FXR2: variants seen among roughly 807,000 people sequenced by gnomAD.
The protein encoded by FXR2 is FMR1 autosomal homolog 2.
In FXR2, 9 loss-of-function variants were observed where a neutral mutation model predicts 87.3. The observed-to-expected ratio is 0.10, with a 90% confidence interval of 0.06 to 0.18. The LOEUF (loss-of-function observed/expected upper bound fraction) is 0.18, where lower values mean the gene tolerates loss of function less well. Ranked by LOEUF, FXR2 falls within the 10% of genes least tolerant of loss-of-function variation. The pLI, the probability that FXR2 is intolerant of heterozygous loss-of-function variation, is 1.00. For missense variants in FXR2, 661 were observed against 893.6 expected (o/e 0.74, Z 3.32); for synonymous variants, 331 against 328.3 (o/e 1.01, Z -0.09).
In FXR2 at chr17:7,591,347, T is replaced by C. The variant is rs1011163188; in HGVS notation, c.*483A>G. The C allele has an allele frequency of 2.7e-4, 46 of 170,860 alleles. No homozygotes were observed. The highest frequency in any genetic ancestry group is 2.5e-3 in the Admixed American group (46 of 18,192). 10.6% of individuals were successfully genotyped at this position (170,860 alleles called of 1,614,324 possible). A position where few individuals can be genotyped will look rare whatever the true frequency, so the allele number is the denominator to read the frequency against. On this transcript the variant is annotated 3_prime_UTR_variant, in exon 17 of 17. Coordinates refer to ENST00000250113, the MANE Select transcript of FXR2 (RefSeq NM_004860.4). This position sits in a 1 kb window ranked among gnomAD's most constrained non-coding sequence, Gnocchi z 4.0. The stretch of plus-strand genomic sequence containing the variant: ...AGGGGGACCTTGTCACCCCCCTTCA[T>C]ACACACCCCTGGTTCTACTCCAAAA...
chr17:7,601,128 G>A (rs536977256), intron 7 of FXR2, among the ~76,000 whole-genome samples: 2 of 151,122 alleles, frequency 1.3e-5, no homozygotes, highest in East Asian at 1.9e-4. Flanking sequence ...GCAGTGAGCC[G>A]AGATCGTGTC....
In FXR2 at chr17:7,594,829, T is replaced by C. The variant is rs956875131; in HGVS notation, c.832-72A>G. On this transcript the variant is annotated intron_variant, in intron 8 of 16. Coordinates refer to ENST00000250113, the MANE Select transcript of FXR2 (RefSeq NM_004860.4). This position sits in a 1 kb window ranked among gnomAD's most constrained non-coding sequence, Gnocchi z 5.1. ...TGGATGTGGTGGCTCACGCCTGTAA[T>C]CCCAGCACTTTGGGAGGCTGGAGGC... is the stretch of plus-strand genomic sequence containing the variant. The C allele has an allele frequency of 1.7e-5, 16 of 918,870 alleles. No individual in the cohort carries two copies. In the African/African-American group the frequency reaches 2.6e-4, roughly 15 times the overall value. The allele number at this position is 918,870 out of a possible 1,614,324, so 56.9% of individuals were successfully genotyped here. A position where few individuals can be genotyped will look rare whatever the true frequency, so the allele number is the denominator to read the frequency against.
At chr17:7,596,171 TC>T (rs2071706100) in intron 7 of FXR2, 177 bp from the exon 8 acceptor site, 2 of 568,380 alleles carry the variant, frequency 3.5e-6, no homozygotes, top group Non-Finnish European at 6.2e-6. Flanking sequence ...TTTTGTTTTT[TC>T]TTTGAGATGG....
intron 7 of FXR2, among the ~76,000 whole-genome samples, chr17:7,598,388 G>A (rs1009701331): frequency 1.3e-5 from 2 of 152,198 alleles, no homozygotes; most frequent in African/African-American, 4.8e-5. Flanking sequence ...TTGGGAGGTG[G>A]AGCTTGCAGT....
rs2071696312 is a variant in FXR2, at chr17:7,595,001, A to T, written c.832-244T>A. Among the ~76,000 whole-genome samples the T allele has an allele frequency of 6.6e-6, 1 of 151,942 alleles. No individual in the cohort carries two copies. Among genetic ancestry groups the T allele is most frequent in the Admixed American group, 6.6e-5 (1 of 15,236 alleles). The stretch of plus-strand genomic sequence containing the variant: ...GTGGCTCACGTCTCTAATCCCAGCT[A>T]CTCCGGAGGCTGAGGCAGGAGATTT... On this transcript the variant is annotated intron_variant, in intron 8 of 16. Coordinates refer to ENST00000250113, the MANE Select transcript of FXR2 (RefSeq NM_004860.4). The surrounding 1 kb of genome is among the most constrained non-coding windows in gnomAD (Gnocchi z 4.7).
intron 7 of FXR2, among the ~76,000 whole-genome samples, 174 bp downstream of exon 7, chr17:7,601,235 C>T (rs1471860019): frequency 6.6e-6 from 1 of 151,194 alleles, no homozygotes; most frequent in African/African-American, 2.4e-5. Context: ...TGCACTATAC[C>T]ATGATAGAGC....
intron 3 of FXR2, among the ~76,000 whole-genome samples, chr17:7,605,032 T>C (rs1223120830): frequency 6.6e-6 from 1 of 151,802 alleles, no homozygotes; most frequent in East Asian, 2.0e-4. Flanking sequence ...CTGGGATGTA[T>C]CTTAAACCAA....
chr17:7,611,356 T>G lies in FXR2; in HGVS notation c.81+3096A>C, dbSNP rs143972836. On this transcript the variant is annotated intron_variant, in intron 1 of 16. Coordinates refer to ENST00000250113, the MANE Select transcript of FXR2 (RefSeq NM_004860.4). The stretch of plus-strand genomic sequence containing the variant: ...GCTACAAAATAACTTAGATCCCAGA[T>G]CTAATATTTTATCCTTTAAGAAAAC... Among the ~76,000 whole-genome samples, 27 of 152,074 alleles carry G rather than the reference T, an allele frequency of 1.8e-4. No individual in the cohort carries two copies. In the East Asian group the frequency reaches 4.6e-3, roughly 26 times the overall value.
chr17:7,609,994 G>A (rs1567753989), intron 1 of FXR2, among the ~76,000 whole-genome samples: 1 of 136,372 alleles, frequency 7.3e-6, no homozygotes. Flanking sequence ...ATATATACAT[G>A]TATATGTATA....
At chr17:7,601,624 A>G in intron 6 of FXR2, 99 bp from the exon 7 acceptor site, 1 of 761,992 alleles carries the variant, frequency 1.3e-6, no homozygotes, top group Non-Finnish European at 2.3e-6. Flanking sequence ...TCCCGGGAAA[A>G]GGGTTAAGAA....
At chr17:7,597,496 CTTTTTT>C (rs1246146130) in intron 7 of FXR2, among the ~76,000 whole-genome samples, 1 of 135,672 alleles carries the variant, frequency 7.4e-6, no homozygotes, top group African/African-American at 2.7e-5. Flanking sequence ...TTTTTTTTTT[CTTTTTT>C]TTGAGATGGG....
At chr17:7,611,712 G>C (rs1201502652) in intron 1 of FXR2, among the ~76,000 whole-genome samples, 2 of 151,792 alleles carry the variant, frequency 1.3e-5, no homozygotes, top group African/African-American at 4.8e-5. Context: ...CTGACAACAG[G>C]GCCCAATTCT....
intron 1 of FXR2, among the ~76,000 whole-genome samples, chr17:7,608,147 G>T (rs1309056227): frequency 1.3e-5 from 2 of 151,482 alleles, no homozygotes; most frequent in Non-Finnish European, 2.9e-5. Flanking sequence ...ATAGAGACAG[G>T]GTTTCGCTAT....
chr17:7,602,723 T>G, intron 6 of FXR2, 186 bp downstream of exon 6: 1 of 508,442 alleles, frequency 2.0e-6, no homozygotes, highest in South Asian at 2.4e-5. Context: ...GAGTGAGACT[T>G]CGTCTCAAAA....
intron 7 of FXR2, among the ~76,000 whole-genome samples, chr17:7,599,410 C>G (rs776617863): frequency 6.6e-6 from 1 of 152,288 alleles, no homozygotes; most frequent in East Asian, 1.9e-4. Context: ...CAAAGATTAT[C>G]ATGACCCAGA....
chr17:7,614,412 G>C (rs907792958), intron 1 of FXR2, 40 bp downstream of exon 1: 13 of 1,421,156 alleles, frequency 9.1e-6, no homozygotes, highest in Non-Finnish European at 1.1e-5. Flanking sequence ...CCAGGGGAGG[G>C]GGCTAAGGAC....
intron 1 of FXR2, among the ~76,000 whole-genome samples, chr17:7,612,065 CAG>C (rs2071869235): frequency 6.6e-6 from 1 of 152,200 alleles, no homozygotes; most frequent in African/African-American, 2.4e-5. Flanking sequence ...GGAAAAGATT[CAG>C]AGAGACTTTC....
chr17:7,596,859 G>A (rs764800795), intron 7 of FXR2, among the ~76,000 whole-genome samples: 8 of 152,094 alleles, frequency 5.3e-5, no homozygotes, highest in Non-Finnish European at 1.2e-4. Context: ...TTCCAGCACT[G>A]TGGGAGGCTG....
rs2071781151 is a variant in FXR2 at position 7,603,992 on chromosome 17, C to T, written c.300+17G>A. On this transcript the variant is annotated intron_variant, in intron 4 of 16. Transcript: ENST00000250113. Reference sequence around the variant, plus strand: ...ATTTGTTTCAGTAGTTCTCCAAAGGCATTCCCAGTCACTCACATCTCCCTT... The same window carrying T: ...ATTTGTTTCAGTAGTTCTCCAAAGGTATTCCCAGTCACTCACATCTCCCTT... 2 of 1,598,032 alleles carry T rather than the reference C, an allele frequency of 1.3e-6. No individual in the cohort carries two copies. Among genetic ancestry groups the T allele is most frequent in the East Asian group, 2.3e-5 (1 of 44,210 alleles).
Sources: allele counts gnomAD v4.1 joint callset (sites outside exome capture counted in the v4.1 genomes callset), GRCh38; gene constraint gnomAD v4.1.1; non-coding constraint Gnocchi (gnomAD v3.1); transcripts MANE v1.5; gene names NCBI Gene and HGNC (gene_info 2026-07-23, HGNC 2026-07-21).